GLIS3: variants seen among roughly 807,000 people sequenced by gnomAD.
GLIS3 encodes the protein zinc finger protein GLIS3.
GLIS3 carries 53 observed loss-of-function variants against 78.6 expected under a neutral mutation model. That is an observed-to-expected ratio of 0.67 (90% CI 0.54 to 0.85). GLIS3 has a LOEUF of 0.85. Among genes scored for constraint, GLIS3 ranks in the 40% least tolerant of loss-of-function variants. The pLI is 0.00. For synonymous variants in GLIS3, 684 were observed against 509.9 expected, an observed-to-expected ratio of 1.34 and a Z score of -4.60; for missense variants, 1,703 against 1,231.1, an observed-to-expected ratio of 1.38 and a Z score of -5.74.
intron 2 of GLIS3, among the ~76,000 whole-genome samples, chr9:4,326,745 A>G (rs943984795): frequency 1.3e-5 from 2 of 152,298 alleles, no homozygotes; most frequent in East Asian, 1.9e-4. Context: ...AGCAACAGCA[A>G]GGACAAAAAA....
intron 2 of GLIS3, among the ~76,000 whole-genome samples, chr9:4,161,803 T>A (rs1049897597): frequency 3.3e-5 from 5 of 150,892 alleles, no homozygotes; most frequent in Non-Finnish European, 5.9e-5. Context: ...ACTCAGCCTC[T>A]CAAGTAGCTG....
intron 8 of GLIS3, among the ~76,000 whole-genome samples, chr9:3,873,319 G>C (rs1488619368): frequency 6.6e-6 from 1 of 152,072 alleles, no homozygotes; most frequent in East Asian, 1.9e-4. Flanking sequence ...CAATATCCCT[G>C]ATAAACAGAG....
intron 2 of GLIS3, among the ~76,000 whole-genome samples, chr9:4,314,245 G>GT (rs1817405787): frequency 6.6e-6 from 1 of 152,192 alleles, no homozygotes; most frequent in African/African-American, 2.4e-5. Flanking sequence ...AGCTGGTGTT[G>GT]TTTTTTATTA....
chr9:3,940,995 G>T (rs1039840790), intron 4 of GLIS3, among the ~76,000 whole-genome samples: 2 of 152,186 alleles, frequency 1.3e-5, no homozygotes, highest in African/African-American at 4.8e-5. Context: ...CTGGGAACTT[G>T]TCAGATATAC....
At chr9:4,244,583 C>CT (rs963518381) in intron 2 of GLIS3, among the ~76,000 whole-genome samples, 1 of 151,232 alleles carries the variant, frequency 6.6e-6, no homozygotes, top group Non-Finnish European at 1.5e-5. Flanking sequence ...AATTTTTTTT[C>CT]TTTTTTTTGA....
chr9:4,220,504 G>C (rs1821234488), intron 2 of GLIS3, among the ~76,000 whole-genome samples: 1 of 152,188 alleles, frequency 6.6e-6, no homozygotes, highest in Non-Finnish European at 1.5e-5. Context: ...AATGCACTGA[G>C]AACATACATC....
At chr9:4,302,433 T>C (rs1164029361), upstream of GLIS3, among the ~76,000 whole-genome samples, 1 of 152,216 alleles carries the variant, frequency 6.6e-6, no homozygotes, top group African/African-American at 2.4e-5. Flanking sequence ...ACACACTCTG[T>C]CCAAGTATTG....
intron 4 of GLIS3, among the ~76,000 whole-genome samples, chr9:4,059,136 T>A (rs1264464661): frequency 6.6e-6 from 1 of 152,170 alleles, no homozygotes. Flanking sequence ...ACCACTGGCT[T>A]AAATATTTTG....
chr9:4,223,577 G>GTT (rs34986355), intron 2 of GLIS3, among the ~76,000 whole-genome samples: 138,056 of 152,050 alleles, frequency 0.91, 62,801 homozygotes, highest in Non-Finnish European at 0.93. Context: ...GATGAAAGAA[G>GTT]TGTTTTAATC....
At chr9:4,066,042 A>AAAG (rs1210433483) in intron 4 of GLIS3, among the ~76,000 whole-genome samples, 1 of 151,444 alleles carries the variant, frequency 6.6e-6, no homozygotes, top group African/African-American at 2.4e-5. Context: ...AAGAATATAA[A>AAAG]AAAAAAAAAA....
At chr9:3,875,328 G>A (rs1236202026) in intron 8 of GLIS3, among the ~76,000 whole-genome samples, 1 of 152,216 alleles carries the variant, frequency 6.6e-6, no homozygotes. Flanking sequence ...GTTAGATTGA[G>A]AGAACTTGCA....
intron 2 of GLIS3, among the ~76,000 whole-genome samples, chr9:4,235,269 A>G (rs898865226): frequency 7.2e-6 from 1 of 139,286 alleles, no homozygotes; most frequent in Non-Finnish European, 1.5e-5. Flanking sequence ...ACTGCACTCC[A>G]GGCTGGGCGA....
chr9:4,423,007 T>G, the GLIS3 span, among the ~76,000 whole-genome samples: 28,909 of 151,992 alleles, frequency 0.19, 3,269 homozygotes, highest in East Asian at 0.44. Context: ...ATTAGGTGTG[T>G]TCTAAGGGTC....
intron 4 of GLIS3, among the ~76,000 whole-genome samples, chr9:4,116,158 C>T (rs1026533011): frequency 6.6e-6 from 1 of 152,150 alleles, no homozygotes; most frequent in African/African-American, 2.4e-5. Flanking sequence ...CTGGATAATT[C>T]GAGCCTTTAT....
At chr9:4,329,048 C>T (rs1162326414) in intron 2 of GLIS3, among the ~76,000 whole-genome samples, 1 of 152,170 alleles carries the variant, frequency 6.6e-6, no homozygotes, top group Non-Finnish European at 1.5e-5. Flanking sequence ...TCAAATCTTG[C>T]CTGCTTGCCA....
chr9:3,907,908 C>T (rs1003551112), intron 6 of GLIS3, among the ~76,000 whole-genome samples: 1 of 152,078 alleles, frequency 6.6e-6, no homozygotes, highest in Non-Finnish European at 1.5e-5. Flanking sequence ...TCAAGAATGT[C>T]GAGAGGCAAT....
At chr9:3,828,663 G>C (rs117723392) in intron 10 of GLIS3, among the ~76,000 whole-genome samples, 1 of 152,232 alleles carries the variant, frequency 6.6e-6, no homozygotes, top group Non-Finnish European at 1.5e-5. Context: ...TTCTAGGGAA[G>C]GCTGGGGGTG....
At chr9:4,168,327 A>G (rs927628441) in intron 2 of GLIS3, among the ~76,000 whole-genome samples, 4 of 152,166 alleles carry the variant, frequency 2.6e-5, no homozygotes, top group African/African-American at 9.7e-5. Flanking sequence ...TCATGTCTTT[A>G]AGATATTTTT....
At chr9:3,836,861 C>G (rs896090264) in intron 9 of GLIS3, among the ~76,000 whole-genome samples, 11 of 152,208 alleles carry the variant, frequency 7.2e-5, no homozygotes, top group African/African-American at 2.7e-4. Context: ...TGTTCGTCTT[C>G]TTCTTCCTCT....
Sources: gnomAD v4.1 joint callset for allele counts (sites outside exome capture counted in the v4.1 genomes callset) on GRCh38, gnomAD v4.1.1 for gene constraint, MANE v1.5 for transcripts, NCBI Gene and HGNC (gene_info 2026-07-23, HGNC 2026-07-21) for gene names.